Variants in TMEM135 observed in about 807,000 individuals in gnomAD.
TMEM135 encodes the protein transmembrane protein 135.
Under a neutral mutation model 60.3 loss-of-function variants are expected in TMEM135, and 30 were observed. The observed-to-expected ratio is 0.50, with a 90% CI of 0.37 to 0.68. The LOEUF is 0.68. TMEM135 is among the 30% of genes least tolerant of loss of function. The pLI is 0.00. For missense variants in TMEM135, 468 were observed against 548.8 expected (o/e 0.85, Z 1.47); for synonymous variants, 190 against 186.7 (o/e 1.02, Z -0.14).
At chr11:87,096,175 C>CA (rs35627094) in intron 4 of TMEM135, 142,491 of 302,944 alleles carry the variant, frequency 0.47, 37,404 homozygotes, top group East Asian at 0.69. Context: ...GGAAAACTAG[C>CA]AAAAGTTTTT....
chr11:87,313,854 A>G (rs1325988896), intron 11 of TMEM135, among the ~76,000 whole-genome samples: 1 of 151,834 alleles, frequency 6.6e-6, no homozygotes, highest in African/African-American at 2.4e-5. Flanking sequence ...AGTGACCTAT[A>G]TTTTCATAAT....
chr11:87,055,609 A>G (rs1028994780), intron 1 of TMEM135, among the ~76,000 whole-genome samples: 53 of 146,328 alleles, frequency 3.6e-4, no homozygotes, highest in African/African-American at 1.3e-3. Flanking sequence ...TTTTTTTTTG[A>G]GATGGAGTTT....
intron 4 of TMEM135, among the ~76,000 whole-genome samples, chr11:87,147,950 G>A (rs1294773651): frequency 6.6e-6 from 1 of 152,126 alleles, no homozygotes; most frequent in East Asian, 1.9e-4. Flanking sequence ...TAGACATGGA[G>A]TTTCACTATG....
chr11:87,256,049 C>T (rs962812147), intron 6 of TMEM135, among the ~76,000 whole-genome samples: 2 of 152,104 alleles, frequency 1.3e-5, no homozygotes, highest in East Asian at 3.9e-4. Context: ...ACCTCAAGAC[C>T]TGCCTATTAC....
chr11:87,054,807 A>G (rs1182124539), intron 1 of TMEM135, among the ~76,000 whole-genome samples: 1 of 151,780 alleles, frequency 6.6e-6, no homozygotes. Context: ...TTTTTTTTTC[A>G]GACCCGTATG....
chr11:87,251,460 C>T (rs575162374), intron 6 of TMEM135, among the ~76,000 whole-genome samples: 9 of 152,236 alleles, frequency 5.9e-5, no homozygotes, highest in African/African-American at 1.9e-4. Flanking sequence ...CTTTGCTACA[C>T]CTCATTTTCT....
chr11:87,214,158 G>A (rs1565488742), intron 5 of TMEM135, among the ~76,000 whole-genome samples: 1 of 152,060 alleles, frequency 6.6e-6, no homozygotes, highest in Non-Finnish European at 1.5e-5. Flanking sequence ...TAATTCCAAA[G>A]TGCTCTGAGA....
Position 87,323,241 on chromosome 11 carries a change from CA to C in TMEM135, c.*1909del, listed in dbSNP as rs1276350716. On this transcript the variant is annotated 3_prime_UTR_variant, in exon 15 of 15. Coordinates refer to ENST00000305494, the MANE Select transcript of TMEM135 (RefSeq NM_022918.4). ...CCTTTTCATTTTTATAAATTGCAGTCATTTTTTTAAATTTTATGTAAAATGT... is the reference window on the plus strand; with the variant it reads ...CCTTTTCATTTTTATAAATTGCAGTCTTTTTTTAAATTTTATGTAAAATGT... 4.4e-6 allele frequency: 2 copies of C among 453,466 alleles called. No homozygotes were observed. The highest frequency in any genetic ancestry group is 2.0e-5 in the African/African-American group (1 of 50,056). 28.1% of individuals were successfully genotyped at this position (453,466 alleles called of 1,614,324 possible).
rs1857203943 is a variant in TMEM135, at chr11:87,091,495, T to C, written c.396+100T>C. Reference sequence around the variant, plus strand: ...GTAAAAGAGGAAAGCCACTTGTATTTGAGGATAATCTTCTCTGTGTTAATG... The same window carrying C: ...GTAAAAGAGGAAAGCCACTTGTATTCGAGGATAATCTTCTCTGTGTTAATG... On this transcript the variant is annotated intron_variant, in intron 4 of 14. Coordinates refer to ENST00000305494, the MANE Select transcript of TMEM135 (RefSeq NM_022918.4). 3.4e-6 allele frequency: 4 copies of C among 1,172,308 alleles called. No homozygotes were observed. In the Admixed American group the frequency reaches 7.5e-5, roughly 22 times the overall value. 72.6% of individuals were successfully genotyped at this position (1,172,308 alleles called of 1,614,324 possible).
chr11:87,168,109 A>G (rs1324850874), intron 5 of TMEM135, among the ~76,000 whole-genome samples: 3 of 152,144 alleles, frequency 2.0e-5, no homozygotes, highest in Admixed American at 1.3e-4. Flanking sequence ...AGGTGTTTCT[A>G]GTATTCTCTG....
intron 1 of TMEM135, among the ~76,000 whole-genome samples, chr11:87,064,394 A>G (rs1249574316): frequency 2.0e-5 from 3 of 151,902 alleles, no homozygotes; most frequent in African/African-American, 7.3e-5. Context: ...CAATTGTTTC[A>G]TCTTGCAAAG....
intron 8 of TMEM135, among the ~76,000 whole-genome samples, chr11:87,302,868 T>C (rs1230633455): frequency 2.0e-5 from 3 of 152,184 alleles, no homozygotes; most frequent in Non-Finnish European, 4.4e-5. Context: ...GTGAAAATTT[T>C]TGGGGTTCTC....
rs932012879 is a variant in TMEM135, at chr11:87,322,528, T to C, written c.*1195T>C. ...TTTACAGTTTTTCAGGGAAAAGTTA[T>C]ACTTTTCTATGTTAATAAAGAGCTG... On this transcript the variant is annotated 3_prime_UTR_variant, in exon 15 of 15. Transcript: ENST00000305494. The C allele has an allele frequency of 1.1e-5, 5 of 453,922 alleles. No individual in the cohort carries two copies. The highest frequency in any genetic ancestry group is 8.0e-5 in the African/African-American group (4 of 50,006). 28.1% of individuals were successfully genotyped at this position (453,922 alleles called of 1,614,324 possible). A position where few individuals can be genotyped will look rare whatever the true frequency, so the allele number is the denominator to read the frequency against.
chr11:87,186,560 T>C lies in TMEM135; in HGVS notation c.462+29154T>C, dbSNP rs60387365. ...AGTAGTGTGGGATTTAGTTTTCCCC[T>C]TGAGAAATCTGTTACTTACAATAAA... On this transcript the variant is annotated intron_variant, in intron 5 of 14. Transcript: ENST00000305494. 4.6e-4 allele frequency among the ~76,000 whole-genome samples: 70 copies of C among 152,326 alleles called. No individual in the cohort carries two copies. The East Asian group carries it at 0.014, about 29-fold the overall frequency.
intron 6 of TMEM135, among the ~76,000 whole-genome samples, chr11:87,294,321 AT>A (rs1942313944): frequency 6.6e-6 from 1 of 152,160 alleles, no homozygotes; most frequent in African/African-American, 2.4e-5. Flanking sequence ...ATTTTTATGC[AT>A]TTCCTTTGTG....
At chr11:87,279,618 A>C (rs1339851459) in intron 6 of TMEM135, among the ~76,000 whole-genome samples, 1 of 152,210 alleles carries the variant, frequency 6.6e-6, no homozygotes, top group African/African-American at 2.4e-5. Flanking sequence ...TCAGTGCTTA[A>C]TAATTGCTTG....
intron 6 of TMEM135, among the ~76,000 whole-genome samples, chr11:87,289,042 A>G (rs1454624325): frequency 6.6e-6 from 1 of 152,244 alleles, no homozygotes; most frequent in Non-Finnish European, 1.5e-5. Flanking sequence ...TTATGTAAAA[A>G]TTGACACATT....
At chr11:87,055,233 G>A (rs1949882337) in intron 1 of TMEM135, among the ~76,000 whole-genome samples, 1 of 152,024 alleles carries the variant, frequency 6.6e-6, no homozygotes, top group African/African-American at 2.4e-5. Flanking sequence ...TAACATTTAT[G>A]GCACAAAAAA....
rs1295335808 is a variant in TMEM135, at chr11:87,325,161, G to A, written c.*3828G>A. 1 of 453,994 alleles carries A rather than the reference G, an allele frequency of 2.2e-6. No individual in the cohort carries two copies. Among genetic ancestry groups the A allele is most frequent in the East Asian group, 7.0e-5 (1 of 14,384 alleles). The allele number at this position is 453,994 out of a possible 1,614,324, so 28.1% of individuals were successfully genotyped here. A position where few individuals can be genotyped will look rare whatever the true frequency, so the allele number is the denominator to read the frequency against. Reference sequence around the variant, plus strand: ...ATTGGGGGGCTGTCTTAGATTCTAGGGCTTTGTAGTACTATGTTTCTGTTT... The same window carrying A: ...ATTGGGGGGCTGTCTTAGATTCTAGAGCTTTGTAGTACTATGTTTCTGTTT... On this transcript the variant is annotated 3_prime_UTR_variant, in exon 15 of 15. Transcript: ENST00000305494.
Sources: gnomAD v4.1 joint callset for allele counts (sites outside exome capture counted in the v4.1 genomes callset) on GRCh38, gnomAD v4.1.1 for gene constraint, MANE v1.5 for transcripts, NCBI Gene and HGNC (gene_info 2026-07-23, HGNC 2026-07-21) for gene names.